Variants in CEP128 observed in about 807,000 individuals in gnomAD.
CEP128 encodes the protein centrosomal protein 128kDa.
In CEP128, 132 loss-of-function variants were observed where a neutral mutation model predicts 156.7. That is an observed-to-expected ratio of 0.84 (90% CI 0.73 to 0.97). The LOEUF (loss-of-function observed/expected upper bound fraction) is 0.97. Ranked by LOEUF, CEP128 falls within the 50% of genes least tolerant of loss-of-function variation. The pLI is 0.00. For synonymous variants in CEP128, 469 were observed against 448.9 expected (o/e 1.04, Z -0.57); for missense variants, 1,252 against 1,281.9 (o/e 0.98, Z 0.36).
At chr14:80,514,839 G>A (rs1888414971) in intron 23 of CEP128, among the ~76,000 whole-genome samples, 1 of 152,072 alleles carries the variant, frequency 6.6e-6, no homozygotes, top group African/African-American at 2.4e-5. Context: ...CGGCAGTCTA[G>A]GTTTGTTTGG....
intron 19 of CEP128, among the ~76,000 whole-genome samples, chr14:80,690,734 C>T (rs116997523): frequency 0.011 from 1,744 of 152,278 alleles, 23 homozygotes; most frequent in Non-Finnish European, 0.014. Flanking sequence ...TACTTAGTGG[C>T]TTCCCCACTC....
chr14:80,764,733 G>C (rs1049522819), intron 16 of CEP128, among the ~76,000 whole-genome samples: 4 of 152,158 alleles, frequency 2.6e-5, no homozygotes, highest in Non-Finnish European at 5.9e-5. Flanking sequence ...CAAGTGTCAA[G>C]GAACAGAGTA....
At chr14:80,647,467 G>A (rs1356161526) in intron 19 of CEP128, among the ~76,000 whole-genome samples, 2 of 151,772 alleles carry the variant, frequency 1.3e-5, no homozygotes. Flanking sequence ...GAGTTTTCAG[G>A]TAACAGCTTC....
chr14:80,487,520 G>A (rs1187769189), downstream of CEP128, among the ~76,000 whole-genome samples: 1 of 152,150 alleles, frequency 6.6e-6, no homozygotes, highest in Non-Finnish European at 1.5e-5. Context: ...TCTGCACCAA[G>A]TGGACCTAAT....
At chr14:80,758,783 C>A (rs932677147) in intron 17 of CEP128, among the ~76,000 whole-genome samples, 4 of 152,164 alleles carry the variant, frequency 2.6e-5, no homozygotes, top group Admixed American at 1.3e-4. Context: ...CCACTAAGCG[C>A]AAGATATTTG....
At chr14:80,893,511 A>AC (rs920896796) in intron 8 of CEP128, among the ~76,000 whole-genome samples, 26 of 151,594 alleles carry the variant, frequency 1.7e-4, no homozygotes, top group Non-Finnish European at 2.4e-4. Flanking sequence ...ACCAAAACAA[A>AC]AAAAAAAAAT....
chr14:80,936,508 C>G (rs1254159432), intron 2 of CEP128, among the ~76,000 whole-genome samples: 1 of 152,150 alleles, frequency 6.6e-6, no homozygotes, highest in African/African-American at 2.4e-5. Flanking sequence ...CCCAAATACC[C>G]CAAGCACTAG....
intron 2 of CEP128, among the ~76,000 whole-genome samples, chr14:80,925,742 A>G (rs1397774287): frequency 1.3e-5 from 2 of 152,182 alleles, no homozygotes; most frequent in Non-Finnish European, 2.9e-5. Context: ...GAAAGAAACC[A>G]CAAACCCTTT....
At chr14:80,529,364 T>C (rs1889122026) in intron 22 of CEP128, among the ~76,000 whole-genome samples, 1 of 152,212 alleles carries the variant, frequency 6.6e-6, no homozygotes, top group Non-Finnish European at 1.5e-5. Flanking sequence ...TGTGAGTCTG[T>C]ATGTATATGA....
At chr14:80,577,888 A>C (rs1391035342) in intron 20 of CEP128, among the ~76,000 whole-genome samples, 1 of 152,144 alleles carries the variant, frequency 6.6e-6, no homozygotes, top group Non-Finnish European at 1.5e-5. Context: ...CAGTTCCTTA[A>C]ACATGAAACT....
intron 18 of CEP128, 127 bp downstream of exon 18, chr14:80,756,765 C>T: frequency 1.5e-6 from 1 of 646,682 alleles, no homozygotes; most frequent in Non-Finnish European, 2.8e-6. Flanking sequence ...GCAGTGATAT[C>T]TTCCCCTGCA....
chr14:80,758,598 C>T (rs1423890384), intron 17 of CEP128, among the ~76,000 whole-genome samples: 1 of 151,294 alleles, frequency 6.6e-6, no homozygotes, highest in Non-Finnish European at 1.5e-5. Flanking sequence ...TAAACCACTG[C>T]TACTGCATAT....
chr14:80,588,867 G>T, intron 19 of CEP128, among the ~76,000 whole-genome samples: 1 of 152,012 alleles, frequency 6.6e-6, no homozygotes, highest in Non-Finnish European at 1.5e-5. Flanking sequence ...CTCCAGGTGG[G>T]CAAATGGCTT....
intron 18 of CEP128, among the ~76,000 whole-genome samples, chr14:80,753,261 A>T (rs1899480759): frequency 6.6e-6 from 1 of 152,340 alleles, no homozygotes; most frequent in African/African-American, 2.4e-5. Flanking sequence ...CCCTAGTAAC[A>T]TTTACAGACT....
At chr14:80,909,260 T>A (rs1884068229) in intron 4 of CEP128, among the ~76,000 whole-genome samples, 1 of 152,068 alleles carries the variant, frequency 6.6e-6, no homozygotes, top group African/African-American at 2.4e-5. Flanking sequence ...TGATCTGAAA[T>A]AATCTTACCT....
At chr14:80,543,842 T>G (rs1889869409) in intron 21 of CEP128, among the ~76,000 whole-genome samples, 1 of 152,186 alleles carries the variant, frequency 6.6e-6, no homozygotes, top group Admixed American at 6.5e-5. Flanking sequence ...CCTCCCCTAC[T>G]TCATTTTACA....
intron 19 of CEP128, among the ~76,000 whole-genome samples, chr14:80,597,968 AAAC>A (rs1484102562): frequency 6.6e-6 from 1 of 150,834 alleles, no homozygotes; most frequent in African/African-American, 2.4e-5. Context: ...AAAAAAAAAA[AAAC>A]AAAACCCTAT....
In CEP128 at chr14:80,579,415, T is replaced by C. The variant is rs558334737; in HGVS notation, c.2856+959A>G. On this transcript the variant is annotated intron_variant, in intron 20 of 24. Coordinates refer to ENST00000555265, the MANE Select transcript of CEP128 (RefSeq NM_152446.5). ...AACTGAAGCTAACATGTACCACTTT[T>C]ACTGGATGTATAAACTATGCTTCCT... Among the ~76,000 whole-genome samples the C allele has an allele frequency of 4.6e-5, 7 of 152,290 alleles. No individual in the cohort carries two copies. In the East Asian group the frequency reaches 9.6e-4, roughly 21 times the overall value.
Position 80,862,822 on chromosome 14 carries a change from T to G in CEP128, c.697A>C (p.Thr233Pro), listed in dbSNP as rs1265535911. 1 of 1,613,972 alleles carries G rather than the reference T, an allele frequency of 6.2e-7. No homozygotes were observed. The highest frequency in any genetic ancestry group is 1.3e-5 in the African/African-American group (1 of 74,920). ...CGTCTTTCCACCAGCTCCCTTTCTG[T>G]GCGCATCTCTCTCTCCAGTTCCTGA... Reference protein sequence around the residue: ...RLQELEREMRTERELVERRQD... With the variant: ...RLQELEREMRPERELVERRQD... The change falls in exon 9 of 25, where the codon ACA becomes CCA. Residue 233 changes from threonine (T) to proline (P), a missense_variant. Coordinates refer to ENST00000555265, the MANE Select transcript of CEP128 (RefSeq NM_152446.5).
Sources: gnomAD v4.1 joint callset for allele counts (sites outside exome capture counted in the v4.1 genomes callset) on GRCh38, gnomAD v4.1.1 for gene constraint, MANE v1.5 for transcripts, NCBI Gene and HGNC (gene_info 2026-07-23, HGNC 2026-07-21) for gene names.